Variants in PARL observed in about 807,000 individuals in gnomAD.
PARL encodes the protein presenilin-associated rhomboid-like protein, mitochondrial.
PARL carries 44 observed loss-of-function variants against 51.6 expected under a neutral mutation model. The ratio of observed to expected loss-of-function variants is 0.85; its 90% CI spans 0.67 to 1.10. The LOEUF (loss-of-function observed/expected upper bound fraction) is 1.10, where lower values mean the gene tolerates loss of function less well. Among genes scored for constraint, PARL ranks in the 50% least tolerant of loss-of-function variants. PARL has a pLI of 0.00. For missense variants in PARL, 441 were observed against 469.5 expected, an observed-to-expected ratio of 0.94 and a Z score of 0.56; for synonymous variants, 172 against 164.0, an observed-to-expected ratio of 1.05 and a Z score of -0.37.
chr3:183,832,228 T>C (rs562593921), intron 9 of PARL, among the ~76,000 whole-genome samples: 1 of 152,196 alleles, frequency 6.6e-6, no homozygotes, highest in South Asian at 2.1e-4. Context: ...TTTTCTTTTT[T>C]TTTTTTTTGA....
At chr3:183,875,408 C>T (rs1227992296) in intron 1 of PARL, among the ~76,000 whole-genome samples, 64 of 89,166 alleles carry the variant, frequency 7.2e-4, no homozygotes, top group African/African-American at 3.2e-3. Context: ...GAGCAAGACT[C>T]TGTCTCCAAA....
intron 7 of PARL, among the ~76,000 whole-genome samples, chr3:183,836,737 T>C (rs1728639896): frequency 1.3e-5 from 2 of 152,184 alleles, no homozygotes; most frequent in Non-Finnish European, 2.9e-5. Context: ...GATTTTTTTT[T>C]ACTTATTTCA....
intron 4 of PARL, among the ~76,000 whole-genome samples, chr3:183,860,165 G>A (rs891691388): frequency 1.1e-4 from 17 of 152,066 alleles, no homozygotes; most frequent in African/African-American, 4.1e-4. Context: ...CAGAAGCTGA[G>A]CCAACTTCAC....
intron 3 of PARL, among the ~76,000 whole-genome samples, chr3:183,865,503 G>A (rs1490521305): frequency 1.3e-5 from 2 of 152,148 alleles, no homozygotes; most frequent in Non-Finnish European, 2.9e-5. Context: ...CCAGAGCTCT[G>A]CCTCCTGTCA....
chr3:183,836,844 A>G (rs1172181936), intron 7 of PARL, among the ~76,000 whole-genome samples: 2 of 152,122 alleles, frequency 1.3e-5, no homozygotes, highest in Admixed American at 1.3e-4. Flanking sequence ...GTTCAAGTTA[A>G]TTCTCACACC....
intron 4 of PARL, among the ~76,000 whole-genome samples, chr3:183,858,694 G>A (rs1731441588): frequency 6.6e-6 from 1 of 152,072 alleles, no homozygotes; most frequent in Non-Finnish European, 1.5e-5. Flanking sequence ...GGTTGCCTGG[G>A]GACCTCTAGG....
chr3:183,858,784 T>C (rs147690469), intron 4 of PARL, among the ~76,000 whole-genome samples: 11 of 152,120 alleles, frequency 7.2e-5, no homozygotes, highest in African/African-American at 2.2e-4. Flanking sequence ...ATGACAAATT[T>C]AAGTTTGAAG....
chr3:183,883,430 C>T (rs1161342523), intron 1 of PARL, among the ~76,000 whole-genome samples: 2 of 152,070 alleles, frequency 1.3e-5, no homozygotes, highest in African/African-American at 4.8e-5. Context: ...CACCATGCCC[C>T]GCTAATTTCT....
chr3:183,829,592 CCA>C lies in PARL; in HGVS notation c.*4_*5del, dbSNP rs1727679054. On this transcript the variant is annotated 3_prime_UTR_variant, in exon 10 of 10. Coordinates refer to ENST00000317096, the MANE Select transcript of PARL (RefSeq NM_018622.7). The stretch of plus-strand genomic sequence containing the variant: ...CCAGATGCACCACTACTGTCCAATC[CCA>C]GTTTTACTTAGAGCCACCTCCTTTT... 1.2e-6 allele frequency: 2 copies of C among 1,614,056 alleles called. No homozygotes were observed. Among genetic ancestry groups the C allele is most frequent in the Non-Finnish European group, 1.7e-6 (2 of 1,180,032 alleles).
At chr3:183,837,340 A>C (rs1292692565) in intron 7 of PARL, among the ~76,000 whole-genome samples, 2 of 152,180 alleles carry the variant, frequency 1.3e-5, no homozygotes, top group Non-Finnish European at 2.9e-5. Context: ...TCAAGGACCA[A>C]AAAAAGATAG....
At chr3:183,840,699 TTTTTC>T (rs1221700774) in intron 6 of PARL, 59 bp from the exon 7 acceptor site, 38 of 906,596 alleles carry the variant, frequency 4.2e-5, no homozygotes, top group Middle Eastern at 2.5e-4. Context: ...TTTACTTTTT[TTTTTC>T]TTTTCTTTTT....
At chr3:183,870,664 C>G (rs1733086087) in intron 1 of PARL, among the ~76,000 whole-genome samples, 1 of 152,114 alleles carries the variant, frequency 6.6e-6, no homozygotes. Flanking sequence ...GTAATGTTCC[C>G]TTGCTTTAAA....
chr3:183,830,319 C>T (rs1727788115), intron 9 of PARL, among the ~76,000 whole-genome samples: 1 of 152,254 alleles, frequency 6.6e-6, no homozygotes, highest in Admixed American at 6.5e-5. Context: ...GTAACTTCGC[C>T]TGCTCAGGTT....
intron 1 of PARL, among the ~76,000 whole-genome samples, chr3:183,873,914 G>T (rs908543988): frequency 3.3e-5 from 5 of 152,162 alleles, no homozygotes; most frequent in African/African-American, 1.2e-4. Flanking sequence ...CCAGGGTTAA[G>T]TTCAGAACTT....
chr3:183,829,649 G>T lies in PARL; in HGVS notation c.1089C>A (p.Ile363=), dbSNP rs1727690790. ...IWKNREPLVK[I]WHEIRTNGPK... Reference sequence around the variant, plus strand: ...GGCCATTAGTCCTTATTTCATGCCAGATTTTCACTAGCGGCTCCCTGTTCT... The same window carrying T: ...GGCCATTAGTCCTTATTTCATGCCATATTTTCACTAGCGGCTCCCTGTTCT... Residue 363 remains isoleucine (I), a synonymous_variant, in exon 10 of 10, where the codon ATC becomes ATA. Transcript: ENST00000317096. The T allele has an allele frequency of 6.2e-7, 1 of 1,614,028 alleles. No individual in the cohort carries two copies. The highest frequency in any genetic ancestry group is 8.5e-7 in the Non-Finnish European group (1 of 1,180,022).
Position 183,833,706 on chromosome 3 carries a change from C to A in PARL, c.930+18G>T. 6.4e-7 allele frequency: 1 copy of A among 1,555,994 alleles called. No homozygotes were observed. The highest frequency in any genetic ancestry group is 1.1e-5 in the South Asian group (1 of 89,946). ...CATCACCACTATCCCCAGCACTGCACTTCATAAAAATACTTACATTCCCTG... is the reference window on the plus strand; with the variant it reads ...CATCACCACTATCCCCAGCACTGCAATTCATAAAAATACTTACATTCCCTG... On this transcript the variant is annotated intron_variant, in intron 8 of 9. Coordinates refer to ENST00000317096, the MANE Select transcript of PARL (RefSeq NM_018622.7).
chr3:183,859,581 C>A (rs1731569666), intron 4 of PARL, among the ~76,000 whole-genome samples: 1 of 152,112 alleles, frequency 6.6e-6, no homozygotes, highest in Non-Finnish European at 1.5e-5. Flanking sequence ...AGGTGATCCA[C>A]CTCCCAAAAG....
At chr3:183,882,284 CACACACACATATATAT>C (rs1359308478) in intron 1 of PARL, among the ~76,000 whole-genome samples, 7 of 90,676 alleles carry the variant, frequency 7.7e-5, no homozygotes, top group Non-Finnish European at 1.4e-4. Context: ...TATATATATA[CACACACACATATATAT>C]ACACACACAT....
intron 3 of PARL, among the ~76,000 whole-genome samples, chr3:183,863,721 GA>G (rs1447192895): frequency 6.6e-6 from 1 of 151,976 alleles, no homozygotes. Context: ...TTACAGATAT[GA>G]GCCGCCCCGG....
Sources: gnomAD v4.1 joint callset for allele counts (sites outside exome capture counted in the v4.1 genomes callset) on GRCh38, gnomAD v4.1.1 for gene constraint, MANE v1.5 for transcripts, NCBI Gene and HGNC (gene_info 2026-07-23, HGNC 2026-07-21) for gene names.